Variants in RSRC1 observed in about 807,000 individuals in gnomAD.
RSRC1 encodes serine/Arginine-related protein 53.
RSRC1 carries 39 observed loss-of-function variants against 49.1 expected under a neutral mutation model. The observed-to-expected ratio is 0.79, with a 90% CI of 0.61 to 1.04. RSRC1 has a LOEUF of 1.04. Among genes scored for constraint, RSRC1 ranks in the 50% least tolerant of loss-of-function variants. The probability of loss-of-function intolerance (pLI) is 0.00; values close to 1 mark genes in which losing one functional copy is unlikely to be tolerated. For synonymous variants in RSRC1, 143 were observed against 130.8 expected, an observed-to-expected ratio of 1.09 and a Z score of -0.63; for missense variants, 388 against 402.4, an observed-to-expected ratio of 0.96 and a Z score of 0.31.
chr3:158,342,182 G>A (rs964607743), intron 5 of RSRC1, among the ~76,000 whole-genome samples: 1 of 152,144 alleles, frequency 6.6e-6, no homozygotes, highest in South Asian at 2.1e-4. Context: ...AGCCTTTGGG[G>A]TACTGTTGGG....
intron 4 of RSRC1, among the ~76,000 whole-genome samples, chr3:158,248,176 G>GGCAACCACTAATGTGCCT (rs1410611855): frequency 6.6e-6 from 1 of 152,084 alleles, no homozygotes; most frequent in Non-Finnish European, 1.5e-5. Flanking sequence ...CCCAGCTTCA[G>GGCAACCACTAATGTGCCT]GCAACCACTA....
intron 4 of RSRC1, 124 bp downstream of exon 4, chr3:158,203,369 T>C (rs1051588443): frequency 2.1e-6 from 2 of 968,666 alleles, no homozygotes; most frequent in Non-Finnish European, 2.9e-6. Flanking sequence ...GAAAATGGAA[T>C]AAAAAGAGAG....
chr3:158,218,392 A>G (rs1722065346), intron 4 of RSRC1, among the ~76,000 whole-genome samples: 1 of 151,662 alleles, frequency 6.6e-6, no homozygotes, highest in African/African-American at 2.4e-5. Context: ...AATTTGAGAC[A>G]TATTTATGTA....
chr3:158,509,768 G>A (rs1348857279), intron 7 of RSRC1, among the ~76,000 whole-genome samples: 1 of 152,050 alleles, frequency 6.6e-6, no homozygotes, highest in African/African-American at 2.4e-5. Context: ...GTCTATAGTT[G>A]TAGTTTATTC....
intron 4 of RSRC1, among the ~76,000 whole-genome samples, chr3:158,242,075 T>C (rs1297209049): frequency 7.2e-6 from 1 of 138,336 alleles, no homozygotes. Flanking sequence ...GGGGTACATA[T>C]GCGGAATGTG....
intron 6 of RSRC1, among the ~76,000 whole-genome samples, chr3:158,386,776 G>A (rs768788063): frequency 6.6e-6 from 1 of 150,926 alleles, no homozygotes; most frequent in East Asian, 1.9e-4. Context: ...GGGAAGAGGT[G>A]AGCAGCATGC....
chr3:158,124,955 A>G (rs1271962807), intron 3 of RSRC1, among the ~76,000 whole-genome samples: 1 of 151,498 alleles, frequency 6.6e-6, no homozygotes, highest in East Asian at 1.9e-4. Context: ...GGCTAGAAAT[A>G]CAAGCATACA....
At chr3:158,247,195 T>C (rs1723949830) in intron 4 of RSRC1, among the ~76,000 whole-genome samples, 1 of 152,200 alleles carries the variant, frequency 6.6e-6, no homozygotes, top group South Asian at 2.1e-4. Context: ...GATTGAATTG[T>C]GAGGTTATAC....
chr3:158,274,554 A>G (rs1725700570), intron 4 of RSRC1, among the ~76,000 whole-genome samples: 1 of 152,152 alleles, frequency 6.6e-6, no homozygotes, highest in Non-Finnish European at 1.5e-5. Flanking sequence ...TGAAACCCCT[A>G]GAGAAGATAG....
At chr3:158,144,858 T>G (rs1222430410) in intron 3 of RSRC1, among the ~76,000 whole-genome samples, 1 of 152,186 alleles carries the variant, frequency 6.6e-6, no homozygotes, top group African/African-American at 2.4e-5. Flanking sequence ...CTCATTGAGG[T>G]TTTGATTTGC....
intron 8 of RSRC1, among the ~76,000 whole-genome samples, chr3:158,541,568 T>C (rs1198821551): frequency 6.6e-6 from 1 of 152,214 alleles, no homozygotes; most frequent in African/African-American, 2.4e-5. Flanking sequence ...AACAGTTTAA[T>C]TCATGCATAT....
chr3:158,180,393 CT>C (rs1163298458), intron 3 of RSRC1, among the ~76,000 whole-genome samples: 392 of 38,498 alleles, frequency 0.01, 4 homozygotes, highest in Middle Eastern at 0.021. Context: ...GGTCGAGGTT[CT>C]TTTTTTTTTT....
intron 6 of RSRC1, among the ~76,000 whole-genome samples, chr3:158,436,542 G>A (rs563522935): frequency 1.3e-4 from 19 of 151,736 alleles, no homozygotes; most frequent in Admixed American, 2.0e-4. Flanking sequence ...ACAATTTCTC[G>A]GAAATATTGG....
At position 158,246,273 on chromosome 3, in the gene RSRC1, G is replaced by A. The variant is rs192929875; in HGVS notation, c.494+43028G>A. ...GGGGTGCGGGGAGGGGGGAGGGATG[G>A]CATTAGGAGATATACCTAATGTTAA... On this transcript the variant is annotated intron_variant, in intron 4 of 9. Transcript: ENST00000611884. Among the ~76,000 whole-genome samples the A allele has an allele frequency of 1.1e-4, 16 of 151,826 alleles. No homozygotes were observed. In the East Asian group the frequency reaches 2.3e-3, roughly 22 times the overall value.
At chr3:158,474,897 T>C (rs1051756739) in intron 7 of RSRC1, among the ~76,000 whole-genome samples, 7 of 150,894 alleles carry the variant, frequency 4.6e-5, no homozygotes, top group Admixed American at 3.3e-4. Flanking sequence ...ATAGCACTTA[T>C]CACAGTCGTT....
At chr3:158,332,827 T>G (rs34943160) in intron 5 of RSRC1, among the ~76,000 whole-genome samples, 13,262 of 152,190 alleles carry the variant, frequency 0.087, 714 homozygotes, top group Middle Eastern at 0.15. Flanking sequence ...AGTTTTGTAG[T>G]TTTTAAAAAA....
At chr3:158,152,978 C>A (rs997131271) in intron 3 of RSRC1, among the ~76,000 whole-genome samples, 4 of 152,090 alleles carry the variant, frequency 2.6e-5, no homozygotes, top group Non-Finnish European at 5.9e-5. Context: ...TGTAAAGATG[C>A]CTAAGTGGGC....
At chr3:158,158,309 C>T (rs1718002150) in intron 3 of RSRC1, among the ~76,000 whole-genome samples, 1 of 151,802 alleles carries the variant, frequency 6.6e-6, no homozygotes, top group South Asian at 2.1e-4. Flanking sequence ...GGGCTGACTT[C>T]GTATATGTAG....
intron 5 of RSRC1, among the ~76,000 whole-genome samples, chr3:158,322,333 G>A (rs1265919177): frequency 6.6e-6 from 1 of 152,134 alleles, no homozygotes; most frequent in East Asian, 1.9e-4. Flanking sequence ...CTGGCCTCAA[G>A]CAATCCTCCT....
Sources: allele counts gnomAD v4.1 joint callset (sites outside exome capture counted in the v4.1 genomes callset), GRCh38; gene constraint gnomAD v4.1.1; transcripts MANE v1.5; gene names NCBI Gene and HGNC (gene_info 2026-07-23, HGNC 2026-07-21).